RHBDD1: variants seen among roughly 807,000 people sequenced by gnomAD.
RHBDD1 encodes rhomboid-related protein 4.
In RHBDD1, 38 loss-of-function variants were observed where a neutral mutation model predicts 36.3. That is an observed-to-expected ratio of 1.05 (90% CI 0.81 to 1.37). The LOEUF (loss-of-function observed/expected upper bound fraction) is 1.37. RHBDD1 is among the 40% of genes most tolerant of loss of function. RHBDD1 has a pLI of 0.00. For missense variants in RHBDD1, 393 were observed against 377.6 expected (o/e 1.04, Z -0.34); for synonymous variants, 151 against 136.5 (o/e 1.11, Z -0.74).
chr2:226,864,382 T>A (rs551639936), intron 3 of RHBDD1, among the ~76,000 whole-genome samples: 1 of 152,322 alleles, frequency 6.6e-6, no homozygotes, highest in Non-Finnish European at 1.5e-5. Flanking sequence ...GTCCATTAAC[T>A]GATTCATTGG....
chr2:226,897,320 CTGTCTGTCTGTCTG>C (rs1947182669), intron 5 of RHBDD1, among the ~76,000 whole-genome samples: 1 of 151,880 alleles, frequency 6.6e-6, no homozygotes, highest in African/African-American at 2.4e-5. Context: ...GTCTGTCTGT[CTGTCTGTCTGTCTG>C]TCTGTCCATC....
At chr2:226,912,748 T>G (rs967048973) in intron 7 of RHBDD1, among the ~76,000 whole-genome samples, 7 of 152,112 alleles carry the variant, frequency 4.6e-5, no homozygotes, top group Non-Finnish European at 8.8e-5. Flanking sequence ...CAGATTTCTT[T>G]TTGGGGATGA....
At chr2:226,807,075 T>G in the RHBDD1 span, among the ~76,000 whole-genome samples, 1 of 152,236 alleles carries the variant, frequency 6.6e-6, no homozygotes, top group Non-Finnish European at 1.5e-5. Flanking sequence ...CTTACAGTTT[T>G]CATACAGTGG....
chr2:226,836,385 G>C (rs962688491), intron 1 of RHBDD1, among the ~76,000 whole-genome samples: 1 of 152,244 alleles, frequency 6.6e-6, no homozygotes, highest in Non-Finnish European at 1.5e-5. Context: ...CGGAGGAAGG[G>C]GTTGGCGCTG....
At chr2:226,845,919 A>C (rs1240301335) in intron 3 of RHBDD1, among the ~76,000 whole-genome samples, 1 of 152,244 alleles carries the variant, frequency 6.6e-6, no homozygotes, top group African/African-American at 2.4e-5. Flanking sequence ...ATTGACCAGA[A>C]GTTTAGAAGC....
At chr2:226,808,502 A>G in the RHBDD1 span, 1 of 152,244 alleles carries the variant, frequency 6.6e-6, no homozygotes, top group Non-Finnish European at 1.5e-5. Flanking sequence ...TGGAGCCTGG[A>G]ATCATTTGAA....
intron 7 of RHBDD1, among the ~76,000 whole-genome samples, chr2:226,911,541 CTTTTTTTTTT>C (rs869309466): frequency 1.4e-5 from 1 of 71,436 alleles, no homozygotes; most frequent in Non-Finnish European, 3.1e-5. Flanking sequence ...TGTGAAAGTT[CTTTTTTTTTT>C]TTTTTTTTTT....
the RHBDD1 span, among the ~76,000 whole-genome samples, chr2:226,816,375 C>CA: frequency 0.082 from 5,242 of 64,226 alleles, 187 homozygotes; most frequent in Middle Eastern, 0.18. Flanking sequence ...GGAATGGTGG[C>CA]AAAAAAAAAA....
At position 226,918,611 on chromosome 2, in the gene RHBDD1, A is replaced by G. The variant is rs149380479; in HGVS notation, c.856+4260A>G. ...TATTTTACTTAACACAGTAACCTCC[A>G]GTTCCATCTACGTTGTTGCAAATGA... On this transcript the variant is annotated intron_variant, in intron 8 of 8. Transcript: ENST00000392062. Among the ~76,000 whole-genome samples the G allele has an allele frequency of 4.8e-3, 724 of 152,200 alleles. 5 individuals are homozygous for G. The highest frequency in any genetic ancestry group is 0.042 in the South Asian group (204 of 4,826).
chr2:226,925,133 A>G (rs1949580721), intron 8 of RHBDD1, among the ~76,000 whole-genome samples: 1 of 152,224 alleles, frequency 6.6e-6, no homozygotes, highest in Non-Finnish European at 1.5e-5. Context: ...ACATTTCTAT[A>G]TGCTGCTGAT....
intron 8 of RHBDD1, among the ~76,000 whole-genome samples, chr2:226,951,938 G>A (rs1189418335): frequency 1.3e-5 from 2 of 152,204 alleles, no homozygotes; most frequent in Non-Finnish European, 2.9e-5. Context: ...TAAATAACTA[G>A]AGGAGATGTT....
chr2:226,867,850 CT>C (rs1198342083), intron 5 of RHBDD1, among the ~76,000 whole-genome samples: 13 of 152,150 alleles, frequency 8.5e-5, no homozygotes, highest in Non-Finnish European at 1.3e-4. Flanking sequence ...TCCCAAGTAG[CT>C]GGGATTACAG....
intron 8 of RHBDD1, among the ~76,000 whole-genome samples, chr2:226,943,513 A>G (rs1181773630): frequency 1.3e-5 from 2 of 152,180 alleles, no homozygotes; most frequent in African/African-American, 4.8e-5. Flanking sequence ...GGCTAGCGTG[A>G]TGCTAAAATA....
chr2:226,888,419 T>G (rs1297571963), intron 5 of RHBDD1, among the ~76,000 whole-genome samples: 1 of 152,050 alleles, frequency 6.6e-6, no homozygotes, highest in Non-Finnish European at 1.5e-5. Context: ...AGGTTTTTTT[T>G]TTTCAAAAAT....
intron 5 of RHBDD1, chr2:226,869,151 C>T (rs1371902854): frequency 1.0e-6 from 1 of 984,750 alleles, no homozygotes; most frequent in Non-Finnish European, 1.2e-6. Flanking sequence ...GGGTTCCCCC[C>T]AACTTACATG....
chr2:226,840,540 T>G (rs1941499920), intron 3 of RHBDD1, among the ~76,000 whole-genome samples: 1 of 152,232 alleles, frequency 6.6e-6, no homozygotes, highest in Non-Finnish European at 1.5e-5. Flanking sequence ...ATGGTGATTC[T>G]AGAATGTAAG....
At position 226,860,840 on chromosome 2, in the gene RHBDD1, A is replaced by G. The variant is rs1233925761; in HGVS notation, c.-90-3764A>G. On this transcript the variant is annotated intron_variant, in intron 3 of 8. Coordinates refer to ENST00000392062, the MANE Select transcript of RHBDD1 (RefSeq NM_001167608.3). ...ATATCTCCTTTCGCATTAAGTATACATTTACTGAGAAGCCAAGCCACACAA... is the reference window on the plus strand; with the variant it reads ...ATATCTCCTTTCGCATTAAGTATACGTTTACTGAGAAGCCAAGCCACACAA... 6.6e-5 allele frequency among the ~76,000 whole-genome samples: 10 copies of G among 152,304 alleles called. No individual in the cohort carries two copies. In the East Asian group the frequency reaches 1.2e-3, roughly 18 times the overall value.
At chr2:226,902,869 A>T (rs902170445) in intron 5 of RHBDD1, among the ~76,000 whole-genome samples, 4 of 152,276 alleles carry the variant, frequency 2.6e-5, no homozygotes, top group African/African-American at 9.6e-5. Context: ...CCATTTAGAG[A>T]TAGATAAGAA....
chr2:226,971,100 A>G (rs1175994302), intron 8 of RHBDD1, among the ~76,000 whole-genome samples: 1 of 152,178 alleles, frequency 6.6e-6, no homozygotes, highest in African/African-American at 2.4e-5. Context: ...TTTGGAACCA[A>G]CTAATTATTT....
Sources: allele counts gnomAD v4.1 joint callset (sites outside exome capture counted in the v4.1 genomes callset), GRCh38; gene constraint gnomAD v4.1.1; transcripts MANE v1.5; gene names NCBI Gene and HGNC (gene_info 2026-07-23, HGNC 2026-07-21).